CFAP54: variants seen among roughly 807,000 people sequenced by gnomAD.
The protein encoded by CFAP54 is cilia- and flagella-associated protein 54.
A neutral mutation model predicts 370.4 loss-of-function variants in CFAP54; 290 were observed. The ratio of observed to expected loss-of-function variants is 0.78; its 90% confidence interval spans 0.71 to 0.86. The LOEUF (loss-of-function observed/expected upper bound fraction) is 0.86, where lower values mean the gene tolerates loss of function less well. Among genes scored for constraint, CFAP54 ranks in the 40% least tolerant of loss-of-function variants. CFAP54 has a pLI of 0.00. For missense variants in CFAP54, 3,399 were observed against 3,528.7 expected, an observed-to-expected ratio of 0.96 and a Z score of 0.93; for synonymous variants, 1,206 against 1,236.5, an observed-to-expected ratio of 0.98 and a Z score of 0.52.
chr12:96,564,412 A>G (rs3825266), intron 17 of CFAP54, 56 bp from the exon 18 acceptor site: 69,708 of 638,970 alleles, frequency 0.11, 4,352 homozygotes, highest in Middle Eastern at 0.14. Context: ...TATTTAAAAA[A>G]TATTTCCTCT....
chr12:96,612,561 G>T (rs1396080291), intron 26 of CFAP54, among the ~76,000 whole-genome samples: 4 of 152,092 alleles, frequency 2.6e-5, no homozygotes, highest in Admixed American at 6.5e-5. Flanking sequence ...ATGTAAATGG[G>T]CTAAATGCTC....
At position 96,700,036 on chromosome 12, in the gene CFAP54, T is replaced by A. The variant is rs1211520664; in HGVS notation, c.6417T>A (p.Tyr2139Ter). The A allele has an allele frequency of 6.2e-7, 1 of 1,609,540 alleles. No individual in the cohort carries two copies. Reference sequence around the variant, plus strand: ...TTTATGAGATATCCCAAATTTTCTATGGAAAAAACATGCCTTGTCCAATAC... The same window carrying A: ...TTTATGAGATATCCCAAATTTTCTAAGGAAAAAACATGCCTTGTCCAATAC... ...EAFYEISQIF[Y>*]GKNMPCPIPA... The change falls in exon 46 of 68, where the codon TAT becomes TAA. Residue 2139 changes from tyrosine (Y) to a stop codon, truncating the protein, a stop_gained. Coordinates refer to ENST00000524981, the MANE Select transcript of CFAP54 (RefSeq NM_001306084.2). LOFTEE classifies it high-confidence loss of function.
chr12:96,534,327 G>C, intron 11 of CFAP54, 100 bp downstream of exon 11: 1 of 694,318 alleles, frequency 1.4e-6, no homozygotes, highest in Non-Finnish European at 2.3e-6. Context: ...GGGAGCAAGA[G>C]GTACAAAGGC....
chr12:96,663,752 G>T, intron 38 of CFAP54, 78 bp from the exon 39 acceptor site: 1 of 964,274 alleles, frequency 1.0e-6, no homozygotes, highest in Non-Finnish European at 1.6e-6. Flanking sequence ...AATAAAAAAT[G>T]AGAGAAACAT....
At chr12:96,830,823 C>T (rs1959168350) in intron 66 of CFAP54, among the ~76,000 whole-genome samples, 1 of 151,970 alleles carries the variant, frequency 6.6e-6, no homozygotes, top group Non-Finnish European at 1.5e-5. Context: ...GGACTACAGG[C>T]AAGCGCCCCA....
chr12:96,749,511 A>AT (rs1958159363), intron 55 of CFAP54, among the ~76,000 whole-genome samples: 1 of 152,254 alleles, frequency 6.6e-6, no homozygotes, highest in Admixed American at 6.5e-5. Context: ...TGCCTGGGCC[A>AT]TTGTAAGCAC....
At chr12:96,802,104 G>A (rs780529093) in intron 63 of CFAP54, among the ~76,000 whole-genome samples, 4 of 152,086 alleles carry the variant, frequency 2.6e-5, no homozygotes, top group African/African-American at 7.2e-5. Context: ...ACTTCAGAAC[G>A]AGTTTGAGTT....
intron 43 of CFAP54, among the ~76,000 whole-genome samples, chr12:96,689,844 G>A (rs963093339): frequency 7.2e-5 from 11 of 152,248 alleles, no homozygotes; most frequent in African/African-American, 2.4e-4. Context: ...TACTTTGAAG[G>A]ATGGGCACTC....
Position 96,732,731 on chromosome 12 carries a change from A to G in CFAP54, c.6966-7225A>G, listed in dbSNP as rs189211568. Among the ~76,000 whole-genome samples the G allele has an allele frequency of 2.2e-3, 341 of 152,360 alleles. 1 individual carries two copies. The highest frequency in any genetic ancestry group is 3.9e-3 in the Non-Finnish European group (262 of 68,038). ...AGAACCACTGGCTTAGAATATTGTCATATGTATAGCTATCTTTAAGGACAC... is the reference window on the plus strand; with the variant it reads ...AGAACCACTGGCTTAGAATATTGTCGTATGTATAGCTATCTTTAAGGACAC... On this transcript the variant is annotated intron_variant, in intron 50 of 67. Transcript: ENST00000524981.
At chr12:96,603,830 A>G (rs1395974793) in intron 26 of CFAP54, among the ~76,000 whole-genome samples, 7 of 151,890 alleles carry the variant, frequency 4.6e-5, no homozygotes, top group African/African-American at 1.7e-4. Context: ...TCTTCTCTAC[A>G]CTGTTTATTC....
chr12:96,608,444 T>A (rs1956323525), intron 26 of CFAP54, among the ~76,000 whole-genome samples: 1 of 148,902 alleles, frequency 6.7e-6, no homozygotes, highest in African/African-American at 2.5e-5. Context: ...AGCAGAACTT[T>A]ACAGCATAGT....
intron 50 of CFAP54, among the ~76,000 whole-genome samples, chr12:96,735,875 A>G (rs1381004780): frequency 1.3e-5 from 2 of 152,260 alleles, no homozygotes; most frequent in African/African-American, 4.8e-5. Context: ...AATCTAAACC[A>G]GAATATATAT....
rs532384326 is a variant in CFAP54, at chr12:96,545,368, C to T, written c.2078-2534C>T. Reference sequence around the variant, plus strand: ...CTGTGGAACAAACCTGCATATTCTGCACATGTACCCCAGAACTTAAAGTAT... The same window carrying T: ...CTGTGGAACAAACCTGCATATTCTGTACATGTACCCCAGAACTTAAAGTAT... On this transcript the variant is annotated intron_variant, in intron 14 of 67. Coordinates refer to ENST00000524981, the MANE Select transcript of CFAP54 (RefSeq NM_001306084.2). Among the ~76,000 whole-genome samples the T allele has an allele frequency of 7.9e-5, 12 of 152,152 alleles. 1 individual carries two copies. The South Asian group carries it at 2.3e-3, about 29-fold the overall frequency.
chr12:96,745,151 T>C (rs1019265479), intron 55 of CFAP54, among the ~76,000 whole-genome samples: 1 of 152,232 alleles, frequency 6.6e-6, no homozygotes, highest in African/African-American at 2.4e-5. Context: ...AGTGCACATA[T>C]GCTTGCATAT....
chr12:96,641,404 C>T (rs1445199477), intron 32 of CFAP54, among the ~76,000 whole-genome samples: 31 of 152,144 alleles, frequency 2.0e-4, no homozygotes, highest in East Asian at 1.4e-3. Context: ...GTTAGAATGG[C>T]GATCATTAAA....
At chr12:96,733,286 T>C (rs1957942327) in intron 50 of CFAP54, among the ~76,000 whole-genome samples, 1 of 152,192 alleles carries the variant, frequency 6.6e-6, no homozygotes, top group Admixed American at 6.5e-5. Context: ...TCTGTTTGGG[T>C]ACTGCTGAGA....
intron 66 of CFAP54, among the ~76,000 whole-genome samples, chr12:96,849,441 T>C (rs1959472921): frequency 6.6e-6 from 1 of 152,176 alleles, no homozygotes; most frequent in African/African-American, 2.4e-5. Flanking sequence ...TTAGAATTGA[T>C]GAAAACGTAA....
intron 47 of CFAP54, among the ~76,000 whole-genome samples, chr12:96,705,392 A>AT (rs2136586264): frequency 6.6e-6 from 1 of 151,634 alleles, no homozygotes; most frequent in Non-Finnish European, 1.5e-5. Context: ...CACAAAGTTC[A>AT]CTTTTAATTA....
At chr12:96,720,638 T>A in intron 50 of CFAP54, 73 bp downstream of exon 50, 1 of 1,170,204 alleles carries the variant, frequency 8.5e-7, no homozygotes, top group Non-Finnish European at 1.1e-6. Flanking sequence ...TAAATAGACT[T>A]AAATTTTATG....
Sources: gnomAD v4.1 joint callset for allele counts (sites outside exome capture counted in the v4.1 genomes callset) on GRCh38, gnomAD v4.1.1 for gene constraint, MANE v1.5 for transcripts, NCBI Gene and HGNC (gene_info 2026-07-23, HGNC 2026-07-21) for gene names.